The following ANKRD66 variants were observed in gnomAD, a reference collection of about 807,000 sequenced individuals.
ANKRD66 encodes the protein ankyrin repeat domain 66, also known as ankyrin repeat domain-containing protein 66.
ANKRD66 carries 10 observed loss-of-function variants against 10.9 expected under a neutral mutation model. The ratio of observed to expected loss-of-function variants is 0.91; its 90% CI spans 0.56 to 1.55. The LOEUF is 1.55. ANKRD66 is among the 40% of genes most tolerant of loss of function. ANKRD66 has a pLI of 0.00. For missense variants in ANKRD66, 252 were observed against 242.9 expected (o/e 1.04, Z -0.25); for synonymous variants, 85 against 88.4 (o/e 0.96, Z 0.22).
intron 4 of ANKRD66, chr6:46,757,269 T>C (rs1244954738): frequency 6.6e-6 from 1 of 152,004 alleles, no homozygotes; most frequent in African/African-American, 2.4e-5. Flanking sequence ...GAAAAACTGT[T>C]GATTTAGAGT....
chr6:46,749,815 T>C (rs1054565787), intron 1 of ANKRD66, 81 bp from the exon 2 acceptor site: 1 of 1,459,990 alleles, frequency 6.8e-7, no homozygotes. Flanking sequence ...CCGGTCTTTG[T>C]GAATGGTTCT....
rs1387575684 is a variant in ANKRD66, at chr6:46,747,051, A to G, written c.-97+61A>G. 6 of 1,484,402 alleles carry G rather than the reference A, an allele frequency of 4.0e-6. No individual in the cohort carries two copies. In the South Asian group the frequency reaches 4.8e-5, roughly 12 times the overall value. 92.0% of individuals were successfully genotyped at this position (1,484,402 alleles called of 1,614,324 possible). A position where few individuals can be genotyped will look rare whatever the true frequency, so the allele number is the denominator to read the frequency against. On this transcript the variant is annotated intron_variant, in intron 1 of 4. Transcript: ENST00000565422. Reference sequence around the variant, plus strand: ...TAGTTATTAAAAATCACTCACATTTATTAAAACTGATATTTATTGACTACT... The same window carrying G: ...TAGTTATTAAAAATCACTCACATTTGTTAAAACTGATATTTATTGACTACT...
At chr6:46,756,917 T>G (rs1766397261) in intron 4 of ANKRD66, 1 of 152,216 alleles carries the variant, frequency 6.6e-6, no homozygotes, top group Non-Finnish European at 1.5e-5. Context: ...ATGCTGACAT[T>G]CCTTAGGGTC....
chr6:46,755,422 T>C (rs765867994), intron 4 of ANKRD66, among the ~76,000 whole-genome samples: 2 of 152,360 alleles, frequency 1.3e-5, no homozygotes, highest in South Asian at 2.1e-4. Flanking sequence ...TTCAGAGGTA[T>C]GCCTTCTACT....
intron 2 of ANKRD66, among the ~76,000 whole-genome samples, chr6:46,751,551 A>G (rs1016255014): frequency 2.6e-5 from 4 of 152,236 alleles, no homozygotes; most frequent in African/African-American, 9.6e-5. Context: ...CATCCATTCT[A>G]TAGATAAGAA....
rs190323771 is a variant in ANKRD66 at position 46,749,563 on chromosome 6, C to T, written c.-96-333C>T. ...TTTCTCTTTTATTCCCCCCCCCCCC[C>T]CCCCGCTTTTTTCTTTTCCTCTTGG... On this transcript the variant is annotated intron_variant, in intron 1 of 4. Transcript: ENST00000565422. Among the ~76,000 whole-genome samples the T allele has an allele frequency of 4.1e-3, 439 of 106,766 alleles. 16 individuals carry two copies. The highest frequency in any genetic ancestry group is 0.015 in the African/African-American group (413 of 26,870). 70.0% of individuals were successfully genotyped at this position (106,766 alleles called of 152,430 possible).
chr6:46,756,951 ACTCT>A (rs1005969259), intron 4 of ANKRD66: 3 of 151,990 alleles, frequency 2.0e-5, no homozygotes, highest in Non-Finnish European at 4.4e-5. Flanking sequence ...TCCTCTACTG[ACTCT>A]CTCTAAGTAA....
Position 46,750,106 on chromosome 6 carries a change from T to A in ANKRD66, c.-13+127T>A, listed in dbSNP as rs1582604690. 7.1e-6 allele frequency: 4 copies of A among 566,290 alleles called. No individual in the cohort carries two copies. In the East Asian group the frequency reaches 1.3e-4, roughly 18 times the overall value. 35.1% of individuals were successfully genotyped at this position (566,290 alleles called of 1,614,324 possible). A position where few individuals can be genotyped will look rare whatever the true frequency, so the allele number is the denominator to read the frequency against. ...TATGATCCCAACTTAAATCTTGAGA[T>A]CAGAGACATTCCCAATGGCCCCATC... On this transcript the variant is annotated intron_variant, in intron 2 of 4. Coordinates refer to ENST00000565422, the MANE Select transcript of ANKRD66 (RefSeq NM_001162435.3).
chr6:46,754,421 C>G (rs555282082), intron 4 of ANKRD66, among the ~76,000 whole-genome samples: 1 of 152,274 alleles, frequency 6.6e-6, no homozygotes, highest in African/African-American at 2.4e-5. Context: ...CCTATTTACA[C>G]ACACCAAAGA....
intron 2 of ANKRD66, among the ~76,000 whole-genome samples, chr6:46,750,780 A>G (rs1766253465): frequency 1.3e-5 from 2 of 151,132 alleles, no homozygotes; most frequent in Non-Finnish European, 3.0e-5. Flanking sequence ...AATTGTGGAT[A>G]TTGTTTGATA....
chr6:46,751,514 T>C (rs1295255313), intron 2 of ANKRD66, among the ~76,000 whole-genome samples: 3 of 152,190 alleles, frequency 2.0e-5, no homozygotes, highest in Non-Finnish European at 4.4e-5. Flanking sequence ...AATTGACATT[T>C]ATCCTTACAA....
chr6:46,750,082 A>G, intron 2 of ANKRD66, 103 bp downstream of exon 2: 1 of 633,616 alleles, frequency 1.6e-6, no homozygotes, highest in Non-Finnish European at 2.9e-6. Context: ...GCTCCTTCTT[A>G]TGATCCCAAC....
In ANKRD66 at chr6:46,751,973, A is replaced by G; in HGVS notation, c.25A>G (p.Met9Val). The G allele has an allele frequency of 6.1e-6, 9 of 1,477,092 alleles. No individual in the cohort carries two copies. The highest frequency in any genetic ancestry group is 7.2e-6 in the Non-Finnish European group (8 of 1,116,884). The allele number at this position is 1,477,092 out of a possible 1,614,324, so 91.5% of individuals were successfully genotyped here. A position where few individuals can be genotyped will look rare whatever the true frequency, so the allele number is the denominator to read the frequency against. The change falls in exon 3 of 5, where the codon ATG becomes GTG. Residue 9 changes from methionine (M) to valine (V), a missense_variant. Physicochemically the swap from Met to Val is conservative, Grantham distance 21. Transcript: ENST00000565422. The part of the protein sequence containing the change: MELAKMSD[M>V]TKLHQAVAAG... ...CATGGAATTGGCCAAAATGTCAGAC[A>G]TGACAAAGCTTCACCAAGCTGTGGC...
intron 4 of ANKRD66, chr6:46,758,375 T>C (rs1337432009): frequency 1.1e-5 from 2 of 180,088 alleles, no homozygotes; most frequent in Non-Finnish European, 2.3e-5. Context: ...CACATCACTT[T>C]TATGATTATG....
intron 1 of ANKRD66, among the ~76,000 whole-genome samples, chr6:46,748,015 A>G (rs886668198): frequency 4.6e-5 from 7 of 152,224 alleles, no homozygotes; most frequent in Non-Finnish European, 7.3e-5. Context: ...TCACAGACCT[A>G]AAAGTAAGTC....
intron 4 of ANKRD66, among the ~76,000 whole-genome samples, chr6:46,754,907 T>G (rs1433512890): frequency 6.6e-6 from 1 of 152,204 alleles, no homozygotes; most frequent in African/African-American, 2.4e-5. Context: ...CATCATCCCC[T>G]ACATTCAACG....
intron 3 of ANKRD66, 99 bp from the exon 4 acceptor site, chr6:46,753,623 G>T (rs189657371): frequency 7.4e-4 from 898 of 1,217,462 alleles, no homozygotes; most frequent in Middle Eastern, 2.0e-3. Flanking sequence ...CAAAGGCAAA[G>T]TTTCCCCTTC....
chr6:46,758,099 C>T (rs1413371989), intron 4 of ANKRD66: 1 of 152,152 alleles, frequency 6.6e-6, no homozygotes, highest in Non-Finnish European at 1.5e-5. Context: ...TTCCATTTGT[C>T]CTCATATTGG....
intron 1 of ANKRD66, among the ~76,000 whole-genome samples, chr6:46,749,296 G>A (rs1766211475): frequency 6.6e-6 from 1 of 152,186 alleles, no homozygotes. Context: ...AACTGGAGAT[G>A]ACCCCTCTAG....
Sources: allele counts gnomAD v4.1 joint callset (sites outside exome capture counted in the v4.1 genomes callset), GRCh38; gene constraint gnomAD v4.1.1; transcripts MANE v1.5; gene names NCBI Gene and HGNC (gene_info 2026-07-23, HGNC 2026-07-21).